The following CYP26B1 variants were observed in gnomAD, a reference collection of about 807,000 sequenced individuals.
The protein encoded by CYP26B1 is cytochrome P450 family 26 subfamily B member 1.
CYP26B1 carries 8 observed loss-of-function variants against 39.1 expected under a neutral mutation model. The observed-to-expected ratio is 0.20, with a 90% CI of 0.12 to 0.37. CYP26B1 has a LOEUF of 0.37. Ranked by LOEUF, CYP26B1 falls within the 10% of genes least tolerant of loss-of-function variation. The probability of loss-of-function intolerance (pLI) is 1.00; values close to 1 mark genes in which losing one functional copy is unlikely to be tolerated. For synonymous variants in CYP26B1, 321 were observed against 314.3 expected (o/e 1.02, Z -0.23); for missense variants, 615 against 707.0 (o/e 0.87, Z 1.48).
In CYP26B1 at chr2:72,133,083, C is replaced by T. The variant is rs368295866; in HGVS notation, c.1086G>A (p.Met362Ile). Residue 362 changes from methionine to isoleucine, a missense_variant, in exon 5 of 6, where the codon ATG becomes ATA. Physicochemically the swap from Met to Ile is conservative, Grantham distance 10 (BLOSUM62 1). Transcript: ENST00000001146. The part of the protein sequence containing the change: ...RYLDCVIKEV[M>I]RLFTPISGGY... ...CGCCGGAAATGGGCGTGAACAGGCG[C>T]ATGACCTCCTTGATGACGCAGTCCA... The T allele has an allele frequency of 4.3e-6, 7 of 1,613,140 alleles. No homozygotes were observed. In the African/African-American group the frequency reaches 8.0e-5, roughly 18 times the overall value.
chr2:72,131,990 G>GCATC lies in CYP26B1; in HGVS notation c.*236_*237insGATG. On this transcript the variant is annotated 3_prime_UTR_variant, in exon 6 of 6. Transcript: ENST00000001146. ...AGCCCCTGCCACGCCCTTCCCAGGGGCTGAGCTGATGGTAAATGGGGAGTG... is the reference window on the plus strand; with the variant it reads ...AGCCCCTGCCACGCCCTTCCCAGGGGCATCCTGAGCTGATGGTAAATGGGGAGTG... 1.7e-6 allele frequency: 1 copy of GCATC among 588,588 alleles called. No individual in the cohort carries two copies. The highest frequency in any genetic ancestry group is 2.0e-5 in the South Asian group (1 of 49,826). The allele number at this position is 588,588 out of a possible 1,614,324, so 36.5% of individuals were successfully genotyped here. A position where few individuals can be genotyped will look rare whatever the true frequency, so the allele number is the denominator to read the frequency against.
chr2:72,140,063 C>T (rs192686711), intron 2 of CYP26B1, among the ~76,000 whole-genome samples: 1 of 152,228 alleles, frequency 6.6e-6, no homozygotes, highest in Admixed American at 6.5e-5. Context: ...AGGGCCAGGG[C>T]AGACCCCACC....
Position 72,132,337 on chromosome 2 carries a change from C to G in CYP26B1, c.1429G>C (p.Val477Leu). The change falls in exon 6 of 6, where the codon GTC (valine) becomes CTC (leucine). Residue 477 changes from valine to leucine, a missense_variant. By Grantham distance (32) the Val-to-Leu change is conservative. Coordinates refer to ENST00000001146, the MANE Select transcript of CYP26B1 (RefSeq NM_019885.4). ...ATRTFPRITL[V>L]PVLHPVDGLS... ...CCATCCACGGGGTGCAGGACGGGGA[C>G]CAAGGTGATGCGGGGGAAGGTCCGT... 1 of 1,610,484 alleles carries G rather than the reference C, an allele frequency of 6.2e-7. No individual in the cohort carries two copies. The highest frequency in any genetic ancestry group is 8.5e-7 in the Non-Finnish European group (1 of 1,178,032).
chr2:72,141,139 C>T (rs184628348), intron 2 of CYP26B1, among the ~76,000 whole-genome samples: 65 of 152,220 alleles, frequency 4.3e-4, no homozygotes, highest in Admixed American at 3.2e-3. Flanking sequence ...TGCCCTTCTA[C>T]GGCAATACTC....
rs1677047354 is a variant in CYP26B1 at position 72,144,220 on chromosome 2, G to A, written c.205-7C>T. 3 of 1,581,614 alleles carry A rather than the reference G, an allele frequency of 1.9e-6. No individual in the cohort carries two copies. The highest frequency in any genetic ancestry group is 2.3e-5 in the East Asian group (1 of 44,268). Reference sequence around the variant, plus strand: ...ACGACTGGAAGCCAGAACCCTGCGGGAGCCACACCCGGGTCTCTCTCAGGG... The same window carrying A: ...ACGACTGGAAGCCAGAACCCTGCGGAAGCCACACCCGGGTCTCTCTCAGGG... On this transcript the variant is annotated splice_polypyrimidine_tract_variant and splice_region_variant and intron_variant, in intron 1 of 5. Coordinates refer to ENST00000001146, the MANE Select transcript of CYP26B1 (RefSeq NM_019885.4).
In CYP26B1 at chr2:72,147,112, G is replaced by A. The variant is rs2104106653; in HGVS notation, c.204+519C>T. ...GCGCGGACCGCGGACCAGGGACACT[G>A]TACCTGGCGCTGCCGACGGCGCCGC... On this transcript the variant is annotated intron_variant, in intron 1 of 5. Transcript: ENST00000001146. The surrounding 1 kb of genome is among the most constrained non-coding windows in gnomAD (Gnocchi z 6.1). 6.6e-6 allele frequency among the ~76,000 whole-genome samples: 1 copy of A among 152,300 alleles called. No individual in the cohort carries two copies. The highest frequency in any genetic ancestry group is 2.1e-4 in the South Asian group (1 of 4,822).
At chr2:72,137,619 T>C (rs531516393) in intron 2 of CYP26B1, among the ~76,000 whole-genome samples, 41 of 152,286 alleles carry the variant, frequency 2.7e-4, no homozygotes, top group African/African-American at 9.9e-4. Flanking sequence ...TGCCCTGCCC[T>C]GCCCCGTGGG....
intron 2 of CYP26B1, among the ~76,000 whole-genome samples, chr2:72,138,071 G>A (rs137979495): frequency 6.9e-4 from 105 of 152,320 alleles, no homozygotes; most frequent in African/African-American, 2.3e-3. Flanking sequence ...AGAGCCCACC[G>A]TGAGATGGAG....
chr2:72,139,125 G>A (rs1450982421), intron 2 of CYP26B1, among the ~76,000 whole-genome samples: 2 of 152,090 alleles, frequency 1.3e-5, no homozygotes, highest in African/African-American at 2.4e-5. Context: ...GGGTAGAGCC[G>A]GAGTGGGGAC....
In CYP26B1 at chr2:72,134,869, G is replaced by A; in HGVS notation, c.753C>T (p.Ile251=). 1 of 1,614,192 alleles carries A rather than the reference G, an allele frequency of 6.2e-7. No individual in the cohort carries two copies. The highest frequency in any genetic ancestry group is 8.5e-7 in the Non-Finnish European group (1 of 1,180,032). The change falls in exon 4 of 6, where the codon ATC becomes ATT. Residue 251 remains isoleucine, a synonymous_variant. Coordinates refer to ENST00000001146, the MANE Select transcript of CYP26B1 (RefSeq NM_019885.4). ...CCTGTGTGCACTGCAGCTTCTCCCG[G>A]ATGGCCTTCTCCAGCCCCTTCTGCA... is the stretch of plus-strand genomic sequence containing the variant. ...QILQKGLEKA[I]REKLQCTQGK... is the part of the protein sequence containing the mutation.
chr2:72,136,366 A>G (rs1360643161), intron 2 of CYP26B1, among the ~76,000 whole-genome samples: 3 of 152,164 alleles, frequency 2.0e-5, no homozygotes, highest in African/African-American at 7.2e-5. Context: ...CAACCACCGC[A>G]TAAACTGTAA....
chr2:72,144,744 A>C (rs1057486692), intron 1 of CYP26B1, among the ~76,000 whole-genome samples: 1 of 152,112 alleles, frequency 6.6e-6, no homozygotes, highest in African/African-American at 2.4e-5. Context: ...CGGCCCTCGG[A>C]GGACTCTGCA....
intron 2 of CYP26B1, among the ~76,000 whole-genome samples, chr2:72,138,102 C>T (rs1463894572): frequency 1.3e-5 from 2 of 152,174 alleles, no homozygotes; most frequent in East Asian, 1.9e-4. Context: ...AATGAGAAGG[C>T]CAGCAAAGAT....
In CYP26B1 at chr2:72,140,511, C is replaced by T. The variant is rs992012505; in HGVS notation, c.429+3478G>A. 7.9e-5 allele frequency among the ~76,000 whole-genome samples: 12 copies of T among 152,358 alleles called. 1 individual carries two copies. Among genetic ancestry groups the T allele is most frequent in the East Asian group, 1.9e-4 (1 of 5,176 alleles). ...GCTGTGCCACTGGCCTTTCATCCAACGCAGGTTGGACCTTCTGCCCTGAGC... is the reference window on the plus strand; with the variant it reads ...GCTGTGCCACTGGCCTTTCATCCAATGCAGGTTGGACCTTCTGCCCTGAGC... On this transcript the variant is annotated intron_variant, in intron 2 of 5. Coordinates refer to ENST00000001146, the MANE Select transcript of CYP26B1 (RefSeq NM_019885.4).
chr2:72,147,498 G>C lies in CYP26B1; in HGVS notation c.204+133C>G. ...TGGGGAAGCCCGGGCTGCTGCGGCA[G>C]AGAGGAGGGAAGGGGCGGGGCGGGG... On this transcript the variant is annotated intron_variant, in intron 1 of 5. Transcript: ENST00000001146. The surrounding 1 kb of genome is among the most constrained non-coding windows in gnomAD (Gnocchi z 6.1). 1 of 916,310 alleles carries C rather than the reference G, an allele frequency of 1.1e-6. No individual in the cohort carries two copies. Among genetic ancestry groups the C allele is most frequent in the Non-Finnish European group, 1.5e-6 (1 of 657,796 alleles). The allele number at this position is 916,310 out of a possible 1,614,324, so 56.8% of individuals were successfully genotyped here.
intron 2 of CYP26B1, among the ~76,000 whole-genome samples, chr2:72,141,628 T>C (rs1676945062): frequency 6.6e-6 from 1 of 152,192 alleles, no homozygotes; most frequent in African/African-American, 2.4e-5. Flanking sequence ...GAGGTGTGCA[T>C]GGCACACAGC....
chr2:72,134,001 G>C (rs1047161838), intron 4 of CYP26B1, among the ~76,000 whole-genome samples: 3 of 152,242 alleles, frequency 2.0e-5, no homozygotes, highest in African/African-American at 4.8e-5. Context: ...TCTGGGCCCA[G>C]AGAGGGCAAT....
intron 4 of CYP26B1, among the ~76,000 whole-genome samples, chr2:72,133,786 G>C (rs570819425): frequency 6.6e-6 from 1 of 152,302 alleles, no homozygotes; most frequent in Admixed American, 6.5e-5. Context: ...TTCAGTGGGT[G>C]ATCAGGGGAG....
chr2:72,133,252 G>A lies in CYP26B1; in HGVS notation c.917C>T (p.Thr306Ile). ...CTTCAGCAGCTGCATGATGAGTGAGGTGCTGGCGCTGGCCGTGGTGGCATA... is the reference window on the plus strand; with the variant it reads ...CTTCAGCAGCTGCATGATGAGTGAGATGCTGGCGCTGGCCGTGGTGGCATA... Reference protein sequence around the residue: ...AAYATTASASTSLIMQLLKHP... With the variant: ...AAYATTASASISLIMQLLKHP... The change falls in exon 5 of 6, where the codon ACC (threonine) becomes ATC (isoleucine). Residue 306 changes from threonine (T) to isoleucine (I), a missense_variant. Coordinates refer to ENST00000001146, the MANE Select transcript of CYP26B1 (RefSeq NM_019885.4). 1 of 1,611,714 alleles carries A rather than the reference G, an allele frequency of 6.2e-7. No homozygotes were observed. Among genetic ancestry groups the A allele is most frequent in the Non-Finnish European group, 8.5e-7 (1 of 1,179,758 alleles).
Sources: gnomAD v4.1 joint callset for allele counts (sites outside exome capture counted in the v4.1 genomes callset) on GRCh38, gnomAD v4.1.1 for gene constraint, Gnocchi (gnomAD v3.1) non-coding constraint, MANE v1.5 for transcripts, NCBI Gene and HGNC (gene_info 2026-07-23, HGNC 2026-07-21) for gene names.